Variants in DDAH1 observed in about 807,000 individuals in gnomAD.
DDAH1 encodes N(G),N(G)-dimethylarginine dimethylaminohydrolase 1.
Under a neutral mutation model 28.8 loss-of-function variants are expected in DDAH1, and 19 were observed. The observed-to-expected ratio is 0.66, with a 90% CI of 0.46 to 0.97. DDAH1 has a LOEUF of 0.97. Ranked by LOEUF, DDAH1 falls within the 50% of genes least tolerant of loss-of-function variation. The pLI is 0.00. For synonymous variants in DDAH1, 153 were observed against 154.4 expected (o/e 0.99, Z 0.07); for missense variants, 326 against 375.9 (o/e 0.87, Z 1.10).
At chr1:85,472,701 T>C (rs1212835123) in intron 2 of DDAH1, among the ~76,000 whole-genome samples, 1 of 152,218 alleles carries the variant, frequency 6.6e-6, no homozygotes, top group Non-Finnish European at 1.5e-5. Flanking sequence ...ATTATGGTAA[T>C]AAGCAGAGGT....
At chr1:85,519,151 T>C (rs1657580756) in intron 1 of DDAH1, among the ~76,000 whole-genome samples, 1 of 134,808 alleles carries the variant, frequency 7.4e-6, no homozygotes, top group South Asian at 2.4e-4. Context: ...TGGAGTGCAG[T>C]GGCATGATCT....
At position 85,321,011 on chromosome 1, in the gene DDAH1, A is replaced by G. The variant is rs968715520; in HGVS notation, c.*441T>C. The G allele has an allele frequency of 1.3e-5, 2 of 152,462 alleles. No homozygotes were observed. Among genetic ancestry groups the G allele is most frequent in the Admixed American group, 1.3e-4 (2 of 15,236 alleles). 9.4% of individuals were successfully genotyped at this position (152,462 alleles called of 1,614,324 possible). A position where few individuals can be genotyped will look rare whatever the true frequency, so the allele number is the denominator to read the frequency against. On this transcript the variant is annotated 3_prime_UTR_variant, in exon 6 of 6. Transcript: ENST00000284031. ...ATTTCAGAATTCAGAAGTAAAAGAGAAAGGAGGAGGATCCCTGGACCAGGG... is the reference window on the plus strand; with the variant it reads ...ATTTCAGAATTCAGAAGTAAAAGAGGAAGGAGGAGGATCCCTGGACCAGGG...
chr1:85,465,221 C>T, upstream of DDAH1: 2 of 1,115,228 alleles, frequency 1.8e-6, no homozygotes, highest in East Asian at 5.2e-5. Flanking sequence ...ATGCCCAGAG[C>T]TCCGGGCGCC....
At chr1:85,567,345 G>A (rs1659333628) in intron 1 of DDAH1, among the ~76,000 whole-genome samples, 1 of 152,214 alleles carries the variant, frequency 6.6e-6, no homozygotes, top group Admixed American at 6.5e-5. Context: ...CCTGGTGAGA[G>A]ATGATTGAAT....
At chr1:85,459,680 C>T (rs1024467632) in intron 1 of DDAH1, among the ~76,000 whole-genome samples, 3 of 152,168 alleles carry the variant, frequency 2.0e-5, no homozygotes, top group Admixed American at 1.3e-4. Context: ...TGAAACTAAA[C>T]AGAAGTTTGA....
chr1:85,332,394 TC>T (rs1647832550), intron 4 of DDAH1, among the ~76,000 whole-genome samples: 1 of 152,174 alleles, frequency 6.6e-6, no homozygotes, highest in Admixed American at 6.5e-5. Context: ...AAACCTGATT[TC>T]CTGGGGCCAC....
chr1:85,427,221 C>T (rs973754021), intron 1 of DDAH1, among the ~76,000 whole-genome samples: 3 of 149,456 alleles, frequency 2.0e-5, no homozygotes, highest in East Asian at 3.9e-4. Context: ...GTGTTAAGAA[C>T]TCATCATGCT....
intron 1 of DDAH1, among the ~76,000 whole-genome samples, chr1:85,561,329 T>C (rs1175884649): frequency 6.6e-6 from 1 of 152,066 alleles, no homozygotes; most frequent in East Asian, 1.9e-4. Context: ...TTATAAAAAT[T>C]ACTATACTAT....
intron 1 of DDAH1, among the ~76,000 whole-genome samples, chr1:85,456,656 T>C (rs531519955): frequency 2.0e-5 from 3 of 152,360 alleles, no homozygotes; most frequent in South Asian, 2.1e-4. Context: ...AAGTATTAAG[T>C]GTATTTTCAA....
chr1:85,523,129 G>A (rs1385814413), intron 1 of DDAH1, among the ~76,000 whole-genome samples: 1 of 152,010 alleles, frequency 6.6e-6, no homozygotes, highest in African/African-American at 2.4e-5. Flanking sequence ...GTTGCTTCTT[G>A]AATGGCCTGT....
chr1:85,443,527 T>C (rs661686), intron 1 of DDAH1, among the ~76,000 whole-genome samples: 90,017 of 151,996 alleles, frequency 0.59, 26,948 homozygotes, highest in African/African-American at 0.66. Context: ...GTTGGTTCCA[T>C]ATGAACTTTA....
At chr1:85,496,720 T>C (rs1439427864) in intron 1 of DDAH1, among the ~76,000 whole-genome samples, 2 of 152,240 alleles carry the variant, frequency 1.3e-5, no homozygotes, top group Non-Finnish European at 2.9e-5. Context: ...TCTTGTATCC[T>C]AGAACTGAAG....
At chr1:85,516,628 G>T (rs1169518213) in intron 1 of DDAH1, among the ~76,000 whole-genome samples, 1 of 149,196 alleles carries the variant, frequency 6.7e-6, no homozygotes, top group Non-Finnish European at 1.5e-5. Context: ...AATGATATGG[G>T]AATGGTGGGT....
chr1:85,548,378 G>A (rs2100792272), intron 1 of DDAH1, among the ~76,000 whole-genome samples: 1 of 152,264 alleles, frequency 6.6e-6, no homozygotes, highest in South Asian at 2.1e-4. Context: ...ATAAATAATG[G>A]AGCTGGCATC....
At chr1:85,365,623 A>T (rs890336542) in intron 1 of DDAH1, among the ~76,000 whole-genome samples, 2 of 152,290 alleles carry the variant, frequency 1.3e-5, no homozygotes, top group African/African-American at 4.8e-5. Flanking sequence ...ACACACTCCA[A>T]ACCAAGACAT....
intron 1 of DDAH1, among the ~76,000 whole-genome samples, chr1:85,415,465 T>C (rs1035108247): frequency 1.3e-5 from 2 of 152,236 alleles, no homozygotes; most frequent in African/African-American, 2.4e-5. Context: ...ACCTAGGAGA[T>C]ACATTTCAGT....
At chr1:85,396,059 C>T (rs1651799487) in intron 1 of DDAH1, among the ~76,000 whole-genome samples, 2 of 152,114 alleles carry the variant, frequency 1.3e-5, no homozygotes, top group South Asian at 4.1e-4. Flanking sequence ...TTTTCTACAG[C>T]TATGTAACTT....
At chr1:85,535,894 A>G (rs1220415599) in intron 1 of DDAH1, among the ~76,000 whole-genome samples, 1 of 152,218 alleles carries the variant, frequency 6.6e-6, no homozygotes, top group Non-Finnish European at 1.5e-5. Context: ...ACATTTCTCG[A>G]AAGAAGACAT....
At chr1:85,428,465 GC>G (rs1653516448) in intron 1 of DDAH1, among the ~76,000 whole-genome samples, 1 of 151,938 alleles carries the variant, frequency 6.6e-6, no homozygotes, top group Non-Finnish European at 1.5e-5. Context: ...GGAAAGATTC[GC>G]CCCCATGATT....
Sources: gnomAD v4.1 joint callset for allele counts (sites outside exome capture counted in the v4.1 genomes callset) on GRCh38, gnomAD v4.1.1 for gene constraint, MANE v1.5 for transcripts, NCBI Gene and HGNC (gene_info 2026-07-23, HGNC 2026-07-21) for gene names.